BCAR1: variants seen among roughly 807,000 people sequenced by gnomAD.
BCAR1 encodes the protein breast cancer anti-estrogen resistance protein 1.
In BCAR1, 30 loss-of-function variants were observed where a neutral mutation model predicts 67.6. The ratio of observed to expected loss-of-function variants is 0.44; its 90% CI spans 0.33 to 0.60. The LOEUF (loss-of-function observed/expected upper bound fraction) is 0.60, where lower values mean the gene tolerates loss of function less well. Ranked by LOEUF, BCAR1 falls within the 20% of genes least tolerant of loss-of-function variation. BCAR1 has a pLI of 0.02. For synonymous variants in BCAR1, 626 were observed against 556.7 expected (o/e 1.12, Z -1.75); for missense variants, 1,313 against 1,222.3 (o/e 1.07, Z -1.11).
Position 75,235,324 on chromosome 16 carries a change from C to G in BCAR1, c.1575G>C (p.Ala525=). The G allele has an allele frequency of 6.2e-7, 1 of 1,601,890 alleles. No homozygotes were observed. The highest frequency in any genetic ancestry group is 8.5e-7 in the Non-Finnish European group (1 of 1,171,888). The part of the protein sequence containing the change: ...VHELLEFARS[A]VGNAAHTSDR... Reference sequence around the variant, plus strand: ...CAGATGTGTGGGCAGCATTGCCCACCGCGCTGCGGGCAAACTCCAACAGCT... The same window carrying G: ...CAGATGTGTGGGCAGCATTGCCCACGGCGCTGCGGGCAAACTCCAACAGCT... The change falls in exon 5 of 7, where the codon GCG becomes GCC. Residue 525 remains alanine, a synonymous_variant. Coordinates refer to ENST00000162330, the MANE Select transcript of BCAR1 (RefSeq NM_014567.5).
chr16:75,252,917 T>TA (rs1465602605), upstream of BCAR1, among the ~76,000 whole-genome samples: 7 of 152,102 alleles, frequency 4.6e-5, no homozygotes, highest in Non-Finnish European at 8.8e-5. Context: ...GGGAGCTAGT[T>TA]AAAAAACAGA....
intron 1 of BCAR1, among the ~76,000 whole-genome samples, chr16:75,258,647 G>A (rs769537899): frequency 1.2e-4 from 19 of 152,196 alleles, no homozygotes; most frequent in Non-Finnish European, 1.8e-4. Context: ...GCAGATGTGT[G>A]AATCTTTTGC....
chr16:75,243,575 T>C (rs2077424307), intron 1 of BCAR1: 2 of 455,348 alleles, frequency 4.4e-6, no homozygotes, highest in Non-Finnish European at 4.4e-6. Flanking sequence ...ACAAAGTCTA[T>C]CTACCCCAAA....
intron 1 of BCAR1, among the ~76,000 whole-genome samples, chr16:75,258,807 C>T (rs1316339121): frequency 6.6e-6 from 1 of 152,222 alleles, no homozygotes; most frequent in Admixed American, 6.5e-5. Flanking sequence ...GAGTCTCCCT[C>T]TACCCTCCTC....
intron 6 of BCAR1, among the ~76,000 whole-genome samples, chr16:75,230,822 C>A (rs2076876648): frequency 6.6e-6 from 1 of 152,228 alleles, no homozygotes; most frequent in Non-Finnish European, 1.5e-5. Context: ...TAGGCAGCCA[C>A]TTGGTGAAAT....
rs1567595532 is a variant in BCAR1, at chr16:75,236,177, C to T, written c.913-191G>A. On this transcript the variant is annotated intron_variant, in intron 4 of 6. Transcript: ENST00000162330. ...ACAGGCACACACACGCGCACACACA[C>T]TCGCAGCCCTAGCACACACATCCTT... 1.8e-5 allele frequency: 12 copies of T among 668,536 alleles called. No individual in the cohort carries two copies. The South Asian group carries it at 2.4e-4, about 13-fold the overall frequency. The allele number at this position is 668,536 out of a possible 1,614,324, so 41.4% of individuals were successfully genotyped here. A position where few individuals can be genotyped will look rare whatever the true frequency, so the allele number is the denominator to read the frequency against.
intron 1 of BCAR1, chr16:75,266,077 T>C (rs2078004894): frequency 9.9e-7 from 1 of 1,006,124 alleles, no homozygotes. Context: ...ACCCCGGACC[T>C]AGGCCTTTTT....
chr16:75,262,691 G>A (rs1004070466), intron 1 of BCAR1, among the ~76,000 whole-genome samples: 3 of 152,086 alleles, frequency 2.0e-5, no homozygotes, highest in African/African-American at 7.2e-5. Flanking sequence ...TCACACCACT[G>A]CCTGGCACAG....
At chr16:75,251,016 G>A (rs1172386907) in intron 1 of BCAR1, 2 of 982,750 alleles carry the variant, frequency 2.0e-6, no homozygotes, top group South Asian at 9.4e-5. Context: ...GCCCGGCCTC[G>A]GTCCCCCGGA....
chr16:75,266,010 G>A, intron 1 of BCAR1: 1 of 1,026,758 alleles, frequency 9.7e-7, no homozygotes, highest in Non-Finnish European at 1.2e-6. Context: ...CCGCGCATGC[G>A]CCGCCCGCGC....
At position 75,229,288 on chromosome 16, in the gene BCAR1, G is replaced by T; in HGVS notation, c.*223C>A. On this transcript the variant is annotated 3_prime_UTR_variant, in exon 7 of 7. Coordinates refer to ENST00000162330, the MANE Select transcript of BCAR1 (RefSeq NM_014567.5). ...AACCCGGGCCCGTGGTGCATGCTGG[G>T]GAAGGCCACTGGCCGGCCCCTGGGC... The T allele has an allele frequency of 1.5e-6, 1 of 684,608 alleles. No individual in the cohort carries two copies. The highest frequency in any genetic ancestry group is 2.3e-6 in the Non-Finnish European group (1 of 443,524). 42.4% of individuals were successfully genotyped at this position (684,608 alleles called of 1,614,324 possible). A position where few individuals can be genotyped will look rare whatever the true frequency, so the allele number is the denominator to read the frequency against.
chr16:75,263,348 A>G, intron 1 of BCAR1: 3 of 985,304 alleles, frequency 3.0e-6, no homozygotes, highest in Non-Finnish European at 3.6e-6. Context: ...TTCCTTCCAA[A>G]TGTGTCCTCT....
chr16:75,246,179 C>T (rs2077518693), intron 1 of BCAR1: 1 of 151,824 alleles, frequency 6.6e-6, no homozygotes, highest in African/African-American at 2.4e-5. Flanking sequence ...TTATGTTGCC[C>T]AGGGTGGTCT....
intron 1 of BCAR1, chr16:75,263,256 G>A (rs1403927562): frequency 1.0e-6 from 1 of 985,468 alleles, no homozygotes. Flanking sequence ...ACCTGGCAGG[G>A]CTGGGGGTGG....
Position 75,235,166 on chromosome 16 carries a change from C to T in BCAR1, c.1733G>A (p.Arg578Gln), listed in dbSNP as rs746449287. 48 of 1,608,630 alleles carry T rather than the reference C, an allele frequency of 3.0e-5. 1 individual carries two copies. In the South Asian group the frequency reaches 3.3e-4, roughly 11 times the overall value. The change falls in exon 5 of 7, where the codon CGG (arginine) becomes CAG (glutamine). Residue 578 changes from arginine to glutamine, a missense_variant. Arg to Gln is a conservative substitution (Grantham distance 43, BLOSUM62 1). Around this residue, in one of 2 missense-constraint regions of BCAR1, gnomAD observed 1,272 missense variants for 1,137.5 expected, o/e 1.12. Coordinates refer to ENST00000162330, the MANE Select transcript of BCAR1 (RefSeq NM_014567.5). Reference protein sequence around the residue: ...GSGATLEDLDRLVACSRAVPE... With the variant: ...GSGATLEDLDQLVACSRAVPE... ...CACAGCCCGCGAGCAGGCCACCAGC[C>T]GGTCCAGGTCCTCAAGGGTGGCTCC...
At position 75,236,636 on chromosome 16, in the gene BCAR1, T is replaced by C. The variant is rs1597192365; in HGVS notation, c.912+246A>G. 38 of 650,942 alleles carry C rather than the reference T, an allele frequency of 5.8e-5. 1 individual carries two copies. In the East Asian group the frequency reaches 1.1e-3, roughly 19 times the overall value. 40.3% of individuals were successfully genotyped at this position (650,942 alleles called of 1,614,324 possible). On this transcript the variant is annotated intron_variant, in intron 4 of 6. Transcript: ENST00000162330. ...TGAGATGACACATCCCGTGGTCACC[T>C]TGCGGATACCCTCTCAGGAGCTCAT...
intron 1 of BCAR1, chr16:75,247,616 G>C (rs1292217171): frequency 5.8e-6 from 1 of 172,078 alleles, no homozygotes; most frequent in Admixed American, 5.7e-5. Context: ...GGCGGAAGCT[G>C]GTGTCGGCGA....
At chr16:75,232,049 T>G (rs576436743) in intron 6 of BCAR1, among the ~76,000 whole-genome samples, 1 of 151,206 alleles carries the variant, frequency 6.6e-6, no homozygotes, top group Non-Finnish European at 1.5e-5. Flanking sequence ...GCCCAGCTAA[T>G]TGTTTTGTAT....
chr16:75,229,662 T>C lies in BCAR1; in HGVS notation c.2462A>G (p.Asp821Gly). The part of the protein sequence containing the change: ...QVTHYSNLLC[D>G]LLRGIVATTK... Reference sequence around the variant, plus strand: ...GGTGGCCACGATGCCGCGCAGGAGGTCGCACAGCAGGTTGCTGTAGTGGGT... The same window carrying C: ...GGTGGCCACGATGCCGCGCAGGAGGCCGCACAGCAGGTTGCTGTAGTGGGT... The change falls in exon 7 of 7, where the codon GAC becomes GGC. Residue 821 changes from aspartate (D) to glycine (G), a missense_variant. Transcript: ENST00000162330. 6.2e-7 allele frequency: 1 copy of C among 1,612,736 alleles called. No homozygotes were observed. The highest frequency in any genetic ancestry group is 8.5e-7 in the Non-Finnish European group (1 of 1,179,908).
Sources: gnomAD v4.1 joint callset for allele counts (sites outside exome capture counted in the v4.1 genomes callset) on GRCh38, gnomAD v4.1.1 for gene constraint, gnomAD v4.1.1 regional missense constraint, MANE v1.5 for transcripts, NCBI Gene and HGNC (gene_info 2026-07-23, HGNC 2026-07-21) for gene names.